The following ERC2 variants were observed in gnomAD, a reference collection of about 807,000 sequenced individuals.
ERC2 encodes ERC protein 2.
In ERC2, 42 loss-of-function variants were observed where a neutral mutation model predicts 114.8. That is an observed-to-expected ratio of 0.37 (90% confidence interval 0.29 to 0.47). The LOEUF is 0.47. Among genes scored for constraint, ERC2 ranks in the 20% least tolerant of loss-of-function variants. The pLI is 0.99. For synonymous variants in ERC2, 454 were observed against 425.5 expected, an observed-to-expected ratio of 1.07 and a Z score of -0.82; for missense variants, 939 against 1,150.7, an observed-to-expected ratio of 0.82 and a Z score of 2.66.
intron 6 of ERC2, among the ~76,000 whole-genome samples, chr3:56,135,164 G>T (rs1041580447): frequency 6.6e-6 from 1 of 152,000 alleles, no homozygotes; most frequent in Non-Finnish European, 1.5e-5. Flanking sequence ...TGTTGGTCAG[G>T]CTGGTCTCAA....
chr3:55,888,787 A>G (rs1023746906), intron 13 of ERC2, among the ~76,000 whole-genome samples: 3 of 152,180 alleles, frequency 2.0e-5, no homozygotes, highest in African/African-American at 7.2e-5. Flanking sequence ...GTTGAGGGAT[A>G]AAAGACTACA....
At chr3:55,856,294 T>C (rs1317734015) in intron 14 of ERC2, among the ~76,000 whole-genome samples, 1 of 152,162 alleles carries the variant, frequency 6.6e-6, no homozygotes, top group Non-Finnish European at 1.5e-5. Flanking sequence ...TGCTAGGGCA[T>C]ATTCCACCCA....
At chr3:56,010,653 G>A (rs936675415) in intron 8 of ERC2, 64 bp from the exon 9 acceptor site, 7 of 1,513,570 alleles carry the variant, frequency 4.6e-6, no homozygotes, top group Admixed American at 2.1e-5. Context: ...AAAGCATACT[G>A]TAAAAGAAAA....
Position 56,443,444 on chromosome 3 carries a change from CCCCGGCTGCAG to C in ERC2, c.-140-8308_-140-8298del, listed in dbSNP as rs371771353. On this transcript the variant is annotated intron_variant, in intron 1 of 17. Coordinates refer to ENST00000288221, the MANE Select transcript of ERC2 (RefSeq NM_015576.3). ...GGGTGGTTTCCTGGGACCATTTCAC[CCCCGGCTGCAG>C]CACATAGAGTGATACCAATGTCATG... 5.9e-5 allele frequency among the ~76,000 whole-genome samples: 9 copies of C among 152,242 alleles called. No individual in the cohort carries two copies. In the East Asian group the frequency reaches 1.7e-3, roughly 29 times the overall value.
At chr3:55,538,454 C>G (rs2054144242) in intron 17 of ERC2, among the ~76,000 whole-genome samples, 1 of 152,198 alleles carries the variant, frequency 6.6e-6, no homozygotes, top group South Asian at 2.1e-4. Flanking sequence ...CGAGAAGGTG[C>G]TGAGTCCTGT....
intron 14 of ERC2, among the ~76,000 whole-genome samples, chr3:55,757,416 A>G (rs1056251497): frequency 6.6e-6 from 1 of 152,160 alleles, no homozygotes; most frequent in Non-Finnish European, 1.5e-5. Flanking sequence ...ATATGATTTG[A>G]TCAGTGCTAA....
At chr3:56,228,887 C>T (rs1486320341) in intron 3 of ERC2, among the ~76,000 whole-genome samples, 2 of 152,122 alleles carry the variant, frequency 1.3e-5, no homozygotes, top group Non-Finnish European at 2.9e-5. Flanking sequence ...CTTGGGCCGC[C>T]TTTATGGCTT....
At chr3:55,674,032 T>A (rs1457003358) in intron 17 of ERC2, among the ~76,000 whole-genome samples, 1 of 152,098 alleles carries the variant, frequency 6.6e-6, no homozygotes, top group Non-Finnish European at 1.5e-5. Flanking sequence ...ACAAACCCAA[T>A]GGGCAACAGT....
At chr3:56,042,730 C>G (rs2075260942) in intron 7 of ERC2, among the ~76,000 whole-genome samples, 1 of 151,684 alleles carries the variant, frequency 6.6e-6, no homozygotes, top group South Asian at 2.1e-4. Context: ...TAGCGGCTTC[C>G]CAATTCTCGG....
At chr3:55,532,078 A>T (rs1216404611) in intron 17 of ERC2, among the ~76,000 whole-genome samples, 1 of 152,118 alleles carries the variant, frequency 6.6e-6, no homozygotes, top group African/African-American at 2.4e-5. Context: ...GAGCTACATC[A>T]CCCTTTTCAT....
At chr3:55,852,466 G>GT (rs567025610) in intron 14 of ERC2, 36 of 154,538 alleles carry the variant, frequency 2.3e-4, no homozygotes, top group African/African-American at 7.2e-4. Context: ...AGTTCTCCTA[G>GT]TTACAGCTCT....
intron 2 of ERC2, among the ~76,000 whole-genome samples, chr3:56,305,456 C>G (rs1019107577): frequency 6.6e-6 from 1 of 151,236 alleles, no homozygotes. Flanking sequence ...ATCAGAAAAC[C>G]ACATGAGCCA....
intron 2 of ERC2, among the ~76,000 whole-genome samples, chr3:56,350,553 G>GATAT (rs200599701): frequency 3.2e-4 from 46 of 143,368 alleles, no homozygotes; most frequent in East Asian, 1.2e-3. Flanking sequence ...AAAAGAAGAG[G>GATAT]ATATATATAT....
At chr3:56,115,930 T>A (rs2079205351) in intron 6 of ERC2, among the ~76,000 whole-genome samples, 1 of 152,126 alleles carries the variant, frequency 6.6e-6, no homozygotes, top group Non-Finnish European at 1.5e-5. Context: ...ACCCAACAAC[T>A]AAGGACAGCC....
At chr3:55,517,824 A>G (rs948093656) in intron 17 of ERC2, among the ~76,000 whole-genome samples, 1 of 152,274 alleles carries the variant, frequency 6.6e-6, no homozygotes, top group Admixed American at 6.5e-5. Context: ...AAGATCAGAT[A>G]TCTGCCATTT....
chr3:55,985,571 G>A (rs944439836), intron 12 of ERC2, among the ~76,000 whole-genome samples: 1 of 152,180 alleles, frequency 6.6e-6, no homozygotes, highest in Non-Finnish European at 1.5e-5. Context: ...TAGCTTTTAA[G>A]TTGCTGTGTC....
intron 3 of ERC2, among the ~76,000 whole-genome samples, chr3:56,266,412 G>A (rs543875701): frequency 2.0e-5 from 3 of 152,118 alleles, no homozygotes; most frequent in Admixed American, 1.3e-4. Context: ...TTACAGGTGT[G>A]AGCCACCGCA....
At chr3:55,559,993 C>T (rs1215980376) in intron 17 of ERC2, among the ~76,000 whole-genome samples, 2 of 152,180 alleles carry the variant, frequency 1.3e-5, no homozygotes, top group African/African-American at 4.8e-5. Flanking sequence ...AGCAAGGAGC[C>T]GTTATCTTGG....
At chr3:56,134,605 C>T (rs2080388571) in intron 6 of ERC2, among the ~76,000 whole-genome samples, 1 of 151,988 alleles carries the variant, frequency 6.6e-6, no homozygotes, top group Non-Finnish European at 1.5e-5. Context: ...ATAAGATTCT[C>T]ATCTGTGTTG....
Sources: gnomAD v4.1 joint callset for allele counts (sites outside exome capture counted in the v4.1 genomes callset) on GRCh38, gnomAD v4.1.1 for gene constraint, MANE v1.5 for transcripts, NCBI Gene and HGNC (gene_info 2026-07-23, HGNC 2026-07-21) for gene names.